The following STAB2 variants were observed in gnomAD, a reference collection of about 807,000 sequenced individuals.
STAB2 encodes the protein stabilin 2, also known as stabilin-2.
Under a neutral mutation model 338.1 loss-of-function variants are expected in STAB2, and 288 were observed. The observed-to-expected ratio is 0.85, with a 90% CI of 0.77 to 0.94. The LOEUF is 0.94. Among genes scored for constraint, STAB2 ranks in the 40% least tolerant of loss-of-function variants. STAB2 has a pLI of 0.00. For synonymous variants in STAB2, 1,202 were observed against 1,193.3 expected, an observed-to-expected ratio of 1.01 and a Z score of -0.15; for missense variants, 3,141 against 3,210.1, an observed-to-expected ratio of 0.98 and a Z score of 0.52.
At chr12:103,680,437 G>GTC (rs1243205548) in intron 25 of STAB2, among the ~76,000 whole-genome samples, 1 of 152,226 alleles carries the variant, frequency 6.6e-6, no homozygotes, top group African/African-American at 2.4e-5. Context: ...AGCATAAAGG[G>GTC]TCTGTTTCTT....
At chr12:103,700,783 A>G (rs1395505180) in intron 34 of STAB2, among the ~76,000 whole-genome samples, 1 of 152,238 alleles carries the variant, frequency 6.6e-6, no homozygotes, top group Non-Finnish European at 1.5e-5. Flanking sequence ...TTCATACAAT[A>G]GAGGCTTTTA....
rs773572659 is a variant in STAB2 at position 103,677,567 on chromosome 12, G to A, written c.2761G>A (p.Gly921Ser). Residue 921 changes from glycine to serine, a missense_variant, in exon 25 of 69, where the codon GGC (glycine) becomes AGC (serine). Physicochemically the swap from Gly to Ser is moderately conservative, Grantham distance 56. Coordinates refer to ENST00000388887, the MANE Select transcript of STAB2 (RefSeq NM_017564.10). ...INNCLLPSAG[G>S]CHDNASCLYV... The stretch of plus-strand genomic sequence containing the variant: ...CAACTGCCTGCTGCCCAGTGCAGGC[G>A]GCTGCCACGACAACGCATCCTGTTT... 2.4e-5 allele frequency: 38 copies of A among 1,613,994 alleles called. No individual in the cohort carries two copies. The highest frequency in any genetic ancestry group is 1.2e-4 in the Admixed American group (7 of 60,006).
rs7962758 is a variant in STAB2, at chr12:103,755,781, G to C, written c.6987+63G>C. The C allele has an allele frequency of 4.0e-6, 6 of 1,504,354 alleles. No homozygotes were observed. The African/African-American group carries it at 8.2e-5, about 21-fold the overall frequency. The allele number at this position is 1,504,354 out of a possible 1,614,324, so 93.2% of individuals were successfully genotyped here. ...AGGGGTTGCCTCAAAGCAGGTATTA[G>C]AGGGGTGAGGCCTTAAGCTGAAGGC... is the stretch of plus-strand genomic sequence containing the variant. On this transcript the variant is annotated intron_variant, in intron 63 of 68. Transcript: ENST00000388887.
chr12:103,609,283 A>G (rs868068358), intron 3 of STAB2, among the ~76,000 whole-genome samples: 5 of 152,170 alleles, frequency 3.3e-5, no homozygotes, highest in South Asian at 2.1e-4. Context: ...TGGGCAGTAT[A>G]TCCATTTTCA....
chr12:103,714,762 G>A (rs1040834784), intron 42 of STAB2, among the ~76,000 whole-genome samples: 8 of 151,616 alleles, frequency 5.3e-5, no homozygotes, highest in African/African-American at 1.9e-4. Context: ...AGCCATTTGA[G>A]AGTAATCTGT....
At chr12:103,714,954 A>C (rs763100565) in intron 42 of STAB2, among the ~76,000 whole-genome samples, 32 of 152,152 alleles carry the variant, frequency 2.1e-4, no homozygotes, top group Non-Finnish European at 4.3e-4. Context: ...CCTTTTTGAC[A>C]ATTTTTCCTC....
At position 103,634,510 on chromosome 12, in the gene STAB2, T is replaced by A. The variant is rs190476790; in HGVS notation, c.584-2601T>A. On this transcript the variant is annotated intron_variant, in intron 6 of 68. Coordinates refer to ENST00000388887, the MANE Select transcript of STAB2 (RefSeq NM_017564.10). Reference sequence around the variant, plus strand: ...CAGTGTCCAACACACTCACATATCTTATACGTAGGTCAATGTGGTTACTTA... The same window carrying A: ...CAGTGTCCAACACACTCACATATCTAATACGTAGGTCAATGTGGTTACTTA... 2.9e-3 allele frequency among the ~76,000 whole-genome samples: 442 copies of A among 152,374 alleles called. 2 individuals carry two copies. The highest frequency in any genetic ancestry group is 3.2e-3 in the Non-Finnish European group (217 of 68,040).
chr12:103,683,329 C>CA, intron 26 of STAB2, 29 bp downstream of exon 26: 1 of 1,142,074 alleles, frequency 8.8e-7, no homozygotes, highest in Non-Finnish European at 1.3e-6. Flanking sequence ...TTTTTCATTA[C>CA]TTAAAAAAAA....
intron 10 of STAB2, 131 bp downstream of exon 10, chr12:103,648,954 C>A: frequency 7.8e-7 from 1 of 1,283,464 alleles, no homozygotes; most frequent in Non-Finnish European, 1.1e-6. Context: ...AGGGGTCATG[C>A]AGGTGAGAGG....
chr12:103,747,956 C>G (rs886664343), intron 58 of STAB2, among the ~76,000 whole-genome samples: 1 of 143,574 alleles, frequency 7.0e-6, no homozygotes, highest in Non-Finnish European at 1.5e-5. Flanking sequence ...GATCAGGCCA[C>G]TCTACTCTAG....
At chr12:103,630,238 T>A (rs756209721) in intron 5 of STAB2, among the ~76,000 whole-genome samples, 53 of 152,000 alleles carry the variant, frequency 3.5e-4, no homozygotes, top group Non-Finnish European at 2.2e-4. Context: ...ATGGCACCAG[T>A]GGAGATGAAG....
chr12:103,682,161 GGGAAGA>G (rs1876971852), intron 25 of STAB2, among the ~76,000 whole-genome samples: 1 of 151,928 alleles, frequency 6.6e-6, no homozygotes, highest in Non-Finnish European at 1.5e-5. Context: ...ATGGGAAGAT[GGGAAGA>G]TGGGAAAAGA....
chr12:103,646,165 A>T (rs893984559), intron 9 of STAB2, among the ~76,000 whole-genome samples: 1 of 152,136 alleles, frequency 6.6e-6, no homozygotes, highest in African/African-American at 2.4e-5. Flanking sequence ...AAGAGGGAAA[A>T]CTCCAGAAAG....
chr12:103,720,892 G>A (rs900396593), intron 44 of STAB2, among the ~76,000 whole-genome samples: 1 of 152,174 alleles, frequency 6.6e-6, no homozygotes, highest in East Asian at 1.9e-4. Flanking sequence ...TTGCTCATTG[G>A]TAGAAGGGAC....
intron 22 of STAB2, among the ~76,000 whole-genome samples, chr12:103,673,486 C>T (rs111885535): frequency 7.2e-4 from 109 of 152,030 alleles, no homozygotes; most frequent in South Asian, 2.1e-3. Context: ...GTAACTGGGA[C>T]CACAAGCACA....
chr12:103,668,703 G>A lies in STAB2; in HGVS notation c.2146G>A (p.Ala716Thr). 1 of 1,549,476 alleles carries A rather than the reference G, an allele frequency of 6.5e-7. No individual in the cohort carries two copies. The highest frequency in any genetic ancestry group is 8.7e-7 in the Non-Finnish European group (1 of 1,145,880). The part of the protein sequence containing the change: ...GRFGSLKSGC[A>T]RYCNATVKIP... ...GTTTGGGAGCCTGAAGAGCGGCTGT[G>A]CCCGGTACTGCAATGCCACTGTGAA... The change falls in exon 20 of 69, where the codon GCC becomes ACC. Residue 716 changes from alanine to threonine, a missense_variant. Physicochemically the swap from Ala to Thr is moderately conservative, Grantham distance 58. Transcript: ENST00000388887.
At chr12:103,699,489 A>G (rs1375155941) in intron 34 of STAB2, among the ~76,000 whole-genome samples, 1 of 152,196 alleles carries the variant, frequency 6.6e-6, no homozygotes, top group Non-Finnish European at 1.5e-5. Context: ...GCAGGCAAAA[A>G]GACAGCTCGT....
intron 2 of STAB2, chr12:103,592,229 T>G (rs191380872): frequency 1.3e-5 from 2 of 151,842 alleles, no homozygotes; most frequent in Admixed American, 1.3e-4. Flanking sequence ...TTGTAACACC[T>G]TGATTGCTTC....
intron 34 of STAB2, 46 bp from the exon 35 acceptor site, chr12:103,703,102 C>G (rs1266401419): frequency 6.3e-7 from 1 of 1,581,750 alleles, no homozygotes; most frequent in Non-Finnish European, 8.6e-7. Flanking sequence ...TTTTCCATAT[C>G]TCTTTAAATG....
Sources: allele counts gnomAD v4.1 joint callset (sites outside exome capture counted in the v4.1 genomes callset), GRCh38; gene constraint gnomAD v4.1.1; transcripts MANE v1.5; gene names NCBI Gene and HGNC (gene_info 2026-07-23, HGNC 2026-07-21).